The following CCBE1 variants were observed in gnomAD, a reference collection of about 807,000 sequenced individuals.
The protein encoded by CCBE1 is collagen and calcium binding EGF domains 1.
Under a neutral mutation model 50.0 loss-of-function variants are expected in CCBE1, and 37 were observed. That is an observed-to-expected ratio of 0.74 (90% CI 0.57 to 0.97). CCBE1 has a LOEUF of 0.97. CCBE1 is among the 50% of genes least tolerant of loss of function. The pLI, the probability that CCBE1 is intolerant of heterozygous loss-of-function variation, is 0.00. For synonymous variants in CCBE1, 234 were observed against 203.7 expected (o/e 1.15, Z -1.27); for missense variants, 538 against 523.8 (o/e 1.03, Z -0.26).
intron 2 of CCBE1, among the ~76,000 whole-genome samples, chr18:59,614,348 C>G (rs75897988): frequency 0.061 from 9,281 of 152,206 alleles, 792 homozygotes; most frequent in African/African-American, 0.2. Flanking sequence ...ATTTAAAGAA[C>G]AGATGTACCC....
intron 2 of CCBE1, among the ~76,000 whole-genome samples, chr18:59,544,163 G>A (rs1469040211): frequency 6.6e-6 from 1 of 152,124 alleles, no homozygotes; most frequent in African/African-American, 2.4e-5. Context: ...CGATTTCAAA[G>A]CACTACAGGA....
chr18:59,658,332 A>T lies in CCBE1; in HGVS notation c.212+38297T>A, dbSNP rs1256841242. 1.5e-3 allele frequency among the ~76,000 whole-genome samples: 36 copies of T among 24,490 alleles called. 4 individuals are homozygous for T. The highest frequency in any genetic ancestry group is 0.01 in the Admixed American group (13 of 1,282). 16.1% of individuals were successfully genotyped at this position (24,490 alleles called of 152,430 possible). A position where few individuals can be genotyped will look rare whatever the true frequency, so the allele number is the denominator to read the frequency against. ...CAAGACCCTGTCTCTAAAAAAAAAA[A>T]AAAAAAAAAAAAAAAAAAAAAAATA... On this transcript the variant is annotated intron_variant, in intron 2 of 10. Transcript: ENST00000439986.
At chr18:59,598,349 G>C (rs547336211) in intron 2 of CCBE1, among the ~76,000 whole-genome samples, 2 of 152,162 alleles carry the variant, frequency 1.3e-5, no homozygotes, top group African/African-American at 4.8e-5. Context: ...TGAAGTTGCC[G>C]GAAGCAGAAT....
At chr18:59,559,445 G>A (rs78249549) in intron 2 of CCBE1, among the ~76,000 whole-genome samples, 2,218 of 152,304 alleles carry the variant, frequency 0.015, 21 homozygotes, top group Non-Finnish European at 0.023. Flanking sequence ...CCCGTGCCCC[G>A]CCAAGTTGTG....
At chr18:59,538,064 A>G (rs894125351) in intron 2 of CCBE1, among the ~76,000 whole-genome samples, 1 of 152,238 alleles carries the variant, frequency 6.6e-6, no homozygotes, top group East Asian at 1.9e-4. Flanking sequence ...CTTAAGCAAA[A>G]CAGCTTGTCA....
At position 59,538,982 on chromosome 18, in the gene CCBE1, A is replaced by C. The variant is rs187812984; in HGVS notation, c.213-58744T>G. Among the ~76,000 whole-genome samples, 250 of 152,106 alleles carry C rather than the reference A, an allele frequency of 1.6e-3. 1 individual carries two copies. Among genetic ancestry groups the C allele is most frequent in the Middle Eastern group, 6.8e-3 (2 of 294 alleles). On this transcript the variant is annotated intron_variant, in intron 2 of 10. Transcript: ENST00000439986. The stretch of plus-strand genomic sequence containing the variant: ...CGCTTGAGGCCAGGAGTTTGAGACC[A>C]GCCTGGGCAACATATCAAGATACCA...
rs1910113627 is a variant in CCBE1 at position 59,435,601 on chromosome 18, G to A, written c.*307C>T. 3 of 424,860 alleles carry A rather than the reference G, an allele frequency of 7.1e-6. No individual in the cohort carries two copies. Among genetic ancestry groups the A allele is most frequent in the Admixed American group, 3.6e-5 (1 of 27,578 alleles). The allele number at this position is 424,860 out of a possible 1,614,324, so 26.3% of individuals were successfully genotyped here. A position where few individuals can be genotyped will look rare whatever the true frequency, so the allele number is the denominator to read the frequency against. On this transcript the variant is annotated 3_prime_UTR_variant, in exon 11 of 11. Transcript: ENST00000439986. ...AAGAATTTATGATTTAAGACACTGTGAGAGTACTTAAATCCAAAGTTCCTG... is the reference window on the plus strand; with the variant it reads ...AAGAATTTATGATTTAAGACACTGTAAGAGTACTTAAATCCAAAGTTCCTG...
intron 2 of CCBE1, among the ~76,000 whole-genome samples, chr18:59,683,875 C>T (rs1205106689): frequency 6.6e-6 from 1 of 151,832 alleles, no homozygotes; most frequent in Non-Finnish European, 1.5e-5. Context: ...TCCCACCTCA[C>T]CCCCTACATC....
chr18:59,467,471 GAA>G (rs1007736565), intron 4 of CCBE1, among the ~76,000 whole-genome samples: 2 of 152,124 alleles, frequency 1.3e-5, no homozygotes, highest in Non-Finnish European at 2.9e-5. Context: ...GGGTCTAATG[GAA>G]AGAGTCTTCC....
chr18:59,685,775 G>A (rs2054646077), intron 2 of CCBE1: 1 of 152,242 alleles, frequency 6.6e-6, no homozygotes, highest in South Asian at 2.1e-4. Context: ...CCAGGAAGAA[G>A]TAAACAACAG....
At chr18:59,641,642 C>A (rs118006537) in intron 2 of CCBE1, among the ~76,000 whole-genome samples, 1 of 152,096 alleles carries the variant, frequency 6.6e-6, no homozygotes, top group Non-Finnish European at 1.5e-5. Context: ...CCAAAATATT[C>A]CTGAAAAACA....
At chr18:59,649,758 T>TG (rs33968505) in intron 2 of CCBE1, among the ~76,000 whole-genome samples, 2,176 of 152,196 alleles carry the variant, frequency 0.014, 35 homozygotes, top group African/African-American at 0.039. Context: ...AAAGTAAAAG[T>TG]GGGGGTGGAT....
chr18:59,675,995 A>T (rs78785496), intron 2 of CCBE1, among the ~76,000 whole-genome samples: 1 of 152,206 alleles, frequency 6.6e-6, no homozygotes, highest in Non-Finnish European at 1.5e-5. Context: ...CCCTACCTTC[A>T]TAGGCCATCT....
At chr18:59,661,016 T>G (rs1257612240) in intron 2 of CCBE1, among the ~76,000 whole-genome samples, 3 of 152,180 alleles carry the variant, frequency 2.0e-5, no homozygotes, top group Admixed American at 2.0e-4. Context: ...TTTTTGTTTT[T>G]GTTTTTTAAA....
At chr18:59,581,516 C>A (rs1235276364) in intron 2 of CCBE1, among the ~76,000 whole-genome samples, 1 of 151,856 alleles carries the variant, frequency 6.6e-6, no homozygotes, top group Non-Finnish European at 1.5e-5. Context: ...ACTAACAGAC[C>A]CTAGTTTGGA....
intron 2 of CCBE1, among the ~76,000 whole-genome samples, chr18:59,548,673 C>A (rs1241651762): frequency 6.6e-6 from 1 of 152,096 alleles, no homozygotes; most frequent in Admixed American, 6.5e-5. Flanking sequence ...CACTTTGGGC[C>A]AGGCACAGTG....
chr18:59,510,394 T>C (rs1241484565), intron 2 of CCBE1, among the ~76,000 whole-genome samples: 2 of 152,200 alleles, frequency 1.3e-5, no homozygotes, highest in Non-Finnish European at 2.9e-5. Flanking sequence ...TTAGTCTTTA[T>C]AATATGAATA....
intron 2 of CCBE1, among the ~76,000 whole-genome samples, chr18:59,596,599 T>C (rs9965827): frequency 0.018 from 2,749 of 152,282 alleles, 66 homozygotes; most frequent in African/African-American, 0.062. Context: ...AATTCCTGTG[T>C]CCAGTGTCCT....
Position 59,653,982 on chromosome 18 carries a change from G to A in CCBE1, c.212+42647C>T, listed in dbSNP as rs1195241882. On this transcript the variant is annotated intron_variant, in intron 2 of 10. Coordinates refer to ENST00000439986, the MANE Select transcript of CCBE1 (RefSeq NM_133459.4). The stretch of plus-strand genomic sequence containing the variant: ...TGCTAGAGATATTTATAGCTAGAAG[G>A]CTTTACACATTCCTAAAATATCACA... Among the ~76,000 whole-genome samples the A allele has an allele frequency of 2.6e-5, 4 of 152,124 alleles. No individual in the cohort carries two copies. The East Asian group carries it at 5.8e-4, about 22-fold the overall frequency.
Sources: gnomAD v4.1 joint callset for allele counts (sites outside exome capture counted in the v4.1 genomes callset) on GRCh38, gnomAD v4.1.1 for gene constraint, MANE v1.5 for transcripts, NCBI Gene and HGNC (gene_info 2026-07-23, HGNC 2026-07-21) for gene names.